BUD23: variants seen among roughly 807,000 people sequenced by gnomAD.
The protein encoded by BUD23 is BUD23 rRNA methyltransferase and ribosome maturation factor, also known as 18S rRNA (guanine-N(7))-methyltransferase.
In BUD23, 34 loss-of-function variants were observed where a neutral mutation model predicts 47.0. The ratio of observed to expected loss-of-function variants is 0.72; its 90% CI spans 0.55 to 0.96. BUD23 has a LOEUF of 0.96. Ranked by LOEUF, BUD23 falls within the 40% of genes least tolerant of loss-of-function variation. The probability of loss-of-function intolerance (pLI) is 0.00; values close to 1 mark genes in which losing one functional copy is unlikely to be tolerated. For missense variants in BUD23, 343 were observed against 361.2 expected (o/e 0.95, Z 0.41); for synonymous variants, 124 against 132.0 (o/e 0.94, Z 0.41).
intron 8 of BUD23, 83 bp downstream of exon 8, chr7:73,693,497 G>C: frequency 3.1e-6 from 5 of 1,599,014 alleles, no homozygotes; most frequent in Non-Finnish European, 4.3e-6. Flanking sequence ...CAGTGGTGCA[G>C]AGGAGTGCTG....
rs1277867591 is a variant in BUD23, at chr7:73,683,780, C to T, written c.62C>T (p.Thr21Ile). Residue 21 changes from threonine (T) to isoleucine (I), a missense_variant, in exon 2 of 12, where the codon ACA becomes ATA. By Grantham distance (89) the Thr-to-Ile change is moderately conservative. Coordinates refer to ENST00000265758, the MANE Select transcript of BUD23 (RefSeq NM_017528.5). The stretch of plus-strand genomic sequence containing the variant: ...TCTTTTTCGCAGTTTTATGACGAGA[C>T]AGAAGCCCGGAAATACGTTCGCAAG... ...GGPPELFYDE[T>I]EARKYVRNSR... 5.0e-6 allele frequency: 8 copies of T among 1,614,072 alleles called. No homozygotes were observed. The highest frequency in any genetic ancestry group is 1.3e-5 in the African/African-American group (1 of 74,904).
chr7:73,697,974 G>T lies in BUD23; in HGVS notation c.*88G>T. The T allele has an allele frequency of 6.7e-7, 1 of 1,484,982 alleles. No homozygotes were observed. The highest frequency in any genetic ancestry group is 9.0e-7 in the Non-Finnish European group (1 of 1,109,230). The allele number at this position is 1,484,982 out of a possible 1,614,324, so 92.0% of individuals were successfully genotyped here. A position where few individuals can be genotyped will look rare whatever the true frequency, so the allele number is the denominator to read the frequency against. ...AGTAGTATTTTAGAAAAGTTCTAAA[G>T]TTATAAAAATGTTTTCTGCAGTAAA... On this transcript the variant is annotated 3_prime_UTR_variant, in exon 12 of 12. Coordinates refer to ENST00000265758, the MANE Select transcript of BUD23 (RefSeq NM_017528.5).
In BUD23 at chr7:73,683,624, G is replaced by A. The variant is rs1554612029; in HGVS notation, c.-2G>A. ...TCGCAGGTGTGCTGCTGAGGCGTGA[G>A]AATGGCGTCCCGCGGCCGGCGTCCG... On this transcript the variant is annotated 5_prime_UTR_variant, in exon 1 of 12. Transcript: ENST00000265758. 4 of 1,609,254 alleles carry A rather than the reference G, an allele frequency of 2.5e-6. No individual in the cohort carries two copies. Among genetic ancestry groups the A allele is most frequent in the East Asian group, 2.2e-5 (1 of 44,714 alleles).
At chr7:73,692,734 G>C in intron 7 of BUD23, 88 bp downstream of exon 7, 6 of 1,354,812 alleles carry the variant, frequency 4.4e-6, no homozygotes, top group Non-Finnish European at 6.2e-6. Flanking sequence ...ATCTTATGCA[G>C]ATTGGCGGGA....
chr7:73,697,379 C>T (rs1554615003), intron 10 of BUD23: 2 of 1,504,164 alleles, frequency 1.3e-6, no homozygotes, highest in African/African-American at 1.4e-5. Flanking sequence ...GCCCAGCTCT[C>T]TCCTCCTCTG....
rs373131972 is a variant in BUD23 at position 73,683,617 on chromosome 7, G to C, written c.-9G>C. On this transcript the variant is annotated 5_prime_UTR_variant, in exon 1 of 12. Coordinates refer to ENST00000265758, the MANE Select transcript of BUD23 (RefSeq NM_017528.5). Reference sequence around the variant, plus strand: ...GCGCCAGTCGCAGGTGTGCTGCTGAGGCGTGAGAATGGCGTCCCGCGGCCG... The same window carrying C: ...GCGCCAGTCGCAGGTGTGCTGCTGACGCGTGAGAATGGCGTCCCGCGGCCG... 5 of 1,607,094 alleles carry C rather than the reference G, an allele frequency of 3.1e-6. No individual in the cohort carries two copies. The East Asian group carries it at 6.7e-5, about 22-fold the overall frequency.
chr7:73,686,020 C>T (rs143574065), intron 2 of BUD23, among the ~76,000 whole-genome samples: 2,143 of 151,522 alleles, frequency 0.014, 53 homozygotes, highest in African/African-American at 0.05. Context: ...GGCATTAACC[C>T]GGGAGGCGGA....
Position 73,692,875 on chromosome 7 carries a change from G to A in BUD23, c.510+229G>A. 3 of 563,026 alleles carry A rather than the reference G, an allele frequency of 5.3e-6. No homozygotes were observed. The East Asian group carries it at 8.5e-5, about 16-fold the overall frequency. The allele number at this position is 563,026 out of a possible 1,614,324, so 34.9% of individuals were successfully genotyped here. ...GCAGATGACATGGTATTACAGATAA[G>A]GTGATGCGACTGATTTCCATAACCA... On this transcript the variant is annotated intron_variant, in intron 7 of 11. Coordinates refer to ENST00000265758, the MANE Select transcript of BUD23 (RefSeq NM_017528.5).
At chr7:73,687,174 G>A in intron 5 of BUD23, 79 bp downstream of exon 5, 2 of 1,456,158 alleles carry the variant, frequency 1.4e-6, no homozygotes, top group South Asian at 1.2e-5. Context: ...TGCAGTGTCT[G>A]TGATTATGGC....
At position 73,693,402 on chromosome 7, in the gene BUD23, C is replaced by T. The variant is rs1554614357; in HGVS notation, c.584C>T (p.Ala195Val). The change falls in exon 8 of 12, where the codon GCC (alanine) becomes GTC (valine). Residue 195 changes from alanine (A) to valine (V), a missense_variant. Ala to Val is a moderately conservative substitution (Grantham distance 64). Transcript: ENST00000265758. ...ATGGTGGTAGACTACCCTAACAGTGCCAAAGCAAAGAAGTGAGCGCTGGGG... is the reference window on the plus strand; with the variant it reads ...ATGGTGGTAGACTACCCTAACAGTGTCAAAGCAAAGAAGTGAGCGCTGGGG... ...GGMVVDYPNS[A>V]KAKKFYLCLF... The T allele has an allele frequency of 4.3e-6, 7 of 1,614,142 alleles. No individual in the cohort carries two copies. The highest frequency in any genetic ancestry group is 5.9e-6 in the Non-Finnish European group (7 of 1,180,018).
intron 5 of BUD23, among the ~76,000 whole-genome samples, chr7:73,689,812 AG>A (rs1158764216): frequency 2.0e-5 from 3 of 152,052 alleles, no homozygotes; most frequent in Non-Finnish European, 4.4e-5. Flanking sequence ...TGTGTGTTTA[AG>A]GAAGGTGATT....
In BUD23 at chr7:73,683,933, G is replaced by A. The variant is rs782755686; in HGVS notation, c.86+129G>A. ...GAAGGGAAGGACCCGGGTGGGTGCC[G>A]ATTTCTGTCTCTGGTAAATCAACTT... On this transcript the variant is annotated intron_variant, in intron 2 of 11. Coordinates refer to ENST00000265758, the MANE Select transcript of BUD23 (RefSeq NM_017528.5). The A allele has an allele frequency of 3.2e-6, 5 of 1,579,584 alleles. No homozygotes were observed. In the East Asian group the frequency reaches 6.7e-5, roughly 21 times the overall value.
intron 1 of BUD23, 34 bp downstream of exon 1, chr7:73,683,707 C>T (rs1164728251): frequency 1.2e-6 from 2 of 1,613,926 alleles, no homozygotes; most frequent in Non-Finnish European, 1.7e-6. Flanking sequence ...CCCCTCTCCC[C>T]ACTTCTGCGG....
Position 73,687,068 on chromosome 7 carries a change from A to G in BUD23, c.335A>G (p.Lys112Arg). 6.2e-7 allele frequency: 1 copy of G among 1,613,896 alleles called. No homozygotes were observed. Among genetic ancestry groups the G allele is most frequent in the Admixed American group, 1.7e-5 (1 of 60,012 alleles). Reference sequence around the variant, plus strand: ...GATATGGGCCAGGGCATCCCATTCAAGCCAGGCACATTTGATGGTTGCATC... The same window carrying G: ...GATATGGGCCAGGGCATCCCATTCAGGCCAGGCACATTTGATGGTTGCATC... The part of the protein sequence containing the change: ...LGDMGQGIPF[K>R]PGTFDGCISI... Residue 112 changes from lysine (K) to arginine (R), a missense_variant, in exon 5 of 12, where the codon AAG (lysine) becomes AGG (arginine). Transcript: ENST00000265758.
intron 7 of BUD23, chr7:73,692,926 G>T: frequency 1.8e-6 from 1 of 552,434 alleles, no homozygotes; most frequent in Non-Finnish European, 3.2e-6. Flanking sequence ...TTTAGGAAGG[G>T]TGAGAGGGCA....
chr7:73,694,109 A>G, intron 10 of BUD23, 59 bp downstream of exon 10: 3 of 1,560,426 alleles, frequency 1.9e-6, no homozygotes, highest in Non-Finnish European at 2.6e-6. Context: ...TTTGTTAGAC[A>G]TGGACTTTCT....
rs943217981 is a variant in BUD23 at position 73,697,988 on chromosome 7, T to G, written c.*102T>G. 24 of 1,428,212 alleles carry G rather than the reference T, an allele frequency of 1.7e-5. No individual in the cohort carries two copies. The highest frequency in any genetic ancestry group is 2.2e-5 in the Non-Finnish European group (24 of 1,071,678). 88.5% of individuals were successfully genotyped at this position (1,428,212 alleles called of 1,614,324 possible). On this transcript the variant is annotated 3_prime_UTR_variant, in exon 12 of 12. Coordinates refer to ENST00000265758, the MANE Select transcript of BUD23 (RefSeq NM_017528.5). ...AAAGTTCTAAAGTTATAAAAATGTT[T>G]TCTGCAGTAAAAAAAAAGTTCTCTG...
intron 8 of BUD23, 104 bp from the exon 9 acceptor site, chr7:73,693,520 C>T: frequency 6.3e-7 from 1 of 1,597,226 alleles, no homozygotes; most frequent in Non-Finnish European, 8.6e-7. Flanking sequence ...GTGTGGGTCA[C>T]CAGGGTCCAG....
At chr7:73,692,085 G>A (rs1212155777) in intron 6 of BUD23, among the ~76,000 whole-genome samples, 1 of 152,022 alleles carries the variant, frequency 6.6e-6, no homozygotes, top group Non-Finnish European at 1.5e-5. Flanking sequence ...CCCTGCTGAT[G>A]TGGCCGCTGG....
Sources: allele counts gnomAD v4.1 joint callset (sites outside exome capture counted in the v4.1 genomes callset), GRCh38; gene constraint gnomAD v4.1.1; transcripts MANE v1.5; gene names NCBI Gene and HGNC (gene_info 2026-07-23, HGNC 2026-07-21).